Variants in TJP1 observed in about 807,000 individuals in gnomAD.
The protein encoded by TJP1 is tight junction protein 1.
In TJP1, 43 loss-of-function variants were observed where a neutral mutation model predicts 194.2. The ratio of observed to expected loss-of-function variants is 0.22; its 90% CI spans 0.17 to 0.29. The LOEUF (loss-of-function observed/expected upper bound fraction) is 0.29, where lower values mean the gene tolerates loss of function less well. Ranked by LOEUF, TJP1 falls within the 10% of genes least tolerant of loss-of-function variation. The probability of loss-of-function intolerance (pLI) is 1.00; values close to 1 mark genes in which losing one functional copy is unlikely to be tolerated. For synonymous variants in TJP1, 801 were observed against 779.0 expected, an observed-to-expected ratio of 1.03 and a Z score of -0.47; for missense variants, 1,971 against 2,185.7, an observed-to-expected ratio of 0.90 and a Z score of 1.96.
intron 1 of TJP1, among the ~76,000 whole-genome samples, chr15:29,806,334 C>T (rs1316973016): frequency 6.6e-6 from 1 of 152,174 alleles, no homozygotes; most frequent in Non-Finnish European, 1.5e-5. Context: ...TAATACAAAA[C>T]ACTACTTACT....
chr15:29,925,554 C>T (rs151330231), intron 2 of TJP1, among the ~76,000 whole-genome samples: 5 of 152,312 alleles, frequency 3.3e-5, no homozygotes, highest in African/African-American at 1.2e-4. Flanking sequence ...CCCTCTAAGC[C>T]GTGGCATTCA....
At chr15:29,850,479 G>A (rs2152082343) in intron 2 of TJP1, among the ~76,000 whole-genome samples, 1 of 152,006 alleles carries the variant, frequency 6.6e-6, no homozygotes, top group African/African-American at 2.4e-5. Context: ...TGGGATTACA[G>A]GCACACGCCA....
Position 29,761,124 on chromosome 15 carries a change from A to T in TJP1, c.1010+15T>A, listed in dbSNP as rs753756244. 17 of 1,565,690 alleles carry T rather than the reference A, an allele frequency of 1.1e-5. No homozygotes were observed. Among genetic ancestry groups the T allele is most frequent in the Non-Finnish European group, 1.4e-5 (16 of 1,157,920 alleles). On this transcript the variant is annotated intron_variant, in intron 8 of 27. Coordinates refer to ENST00000614355, the MANE Select transcript of TJP1 (RefSeq NM_001330239.4). Reference sequence around the variant, plus strand: ...ACAAAACCCCTGTATTTTTTAAAAAAATAGGGTGTCTTACCTGCCATTGCT... The same window carrying T: ...ACAAAACCCCTGTATTTTTTAAAAATATAGGGTGTCTTACCTGCCATTGCT...
chr15:29,885,537 A>G (rs551502285), intron 2 of TJP1, among the ~76,000 whole-genome samples: 13 of 152,382 alleles, frequency 8.5e-5, no homozygotes, highest in African/African-American at 2.9e-4. Flanking sequence ...GTGGCAGTAC[A>G]GTTAGCAGAC....
At chr15:29,833,881 A>ATATATATATATTTTTTTTTTT (rs1555434000) in intron 2 of TJP1, among the ~76,000 whole-genome samples, 2 of 12,610 alleles carry the variant, frequency 1.6e-4, no homozygotes, top group African/African-American at 3.0e-4. Context: ...ATATATATAT[A>ATATATATATATTTTTTTTTTT]TTTTTTTTTT....
chr15:29,749,509 C>A (rs1023091023), intron 8 of TJP1, among the ~76,000 whole-genome samples: 1 of 152,106 alleles, frequency 6.6e-6, no homozygotes, highest in Non-Finnish European at 1.5e-5. Context: ...CCTGGGGAGA[C>A]GCTGTAGGAG....
chr15:29,967,551 T>C (rs2056375726), intron 1 of TJP1, among the ~76,000 whole-genome samples: 1 of 152,204 alleles, frequency 6.6e-6, no homozygotes, highest in Non-Finnish European at 1.5e-5. Flanking sequence ...CTCCAGGAAC[T>C]TAAGGTCACA....
chr15:29,728,380 G>C (rs1300822089), intron 15 of TJP1: 1 of 186,276 alleles, frequency 5.4e-6, no homozygotes, highest in Non-Finnish European at 1.1e-5. Context: ...GGCACACTGA[G>C]ATAAACTGAG....
intron 2 of TJP1, among the ~76,000 whole-genome samples, chr15:29,939,183 T>C (rs1194469641): frequency 6.6e-6 from 1 of 152,234 alleles, no homozygotes; most frequent in Non-Finnish European, 1.5e-5. Flanking sequence ...ATTCAAGTTC[T>C]GAGATGATGC....
intron 2 of TJP1, among the ~76,000 whole-genome samples, chr15:29,857,589 G>A (rs1270326831): frequency 6.6e-6 from 1 of 152,142 alleles, no homozygotes; most frequent in Non-Finnish European, 1.5e-5. Context: ...GAAGAGGGCA[G>A]ACATAAATGA....
chr15:29,859,808 A>C (rs1176974774), intron 2 of TJP1, among the ~76,000 whole-genome samples: 1 of 152,220 alleles, frequency 6.6e-6, no homozygotes, highest in Non-Finnish European at 1.5e-5. Flanking sequence ...CGCTGTTAGT[A>C]TCCCTTGACT....
chr15:29,905,707 C>G (rs996153427), intron 2 of TJP1, among the ~76,000 whole-genome samples: 1 of 152,118 alleles, frequency 6.6e-6, no homozygotes, highest in Non-Finnish European at 1.5e-5. Flanking sequence ...GAGCTATTAC[C>G]TACAAAAAAC....
rs773110467 is a variant in TJP1, at chr15:29,710,874, G to T, written c.4329C>A (p.Thr1443=). 1.2e-6 allele frequency: 2 copies of T among 1,614,004 alleles called. No homozygotes were observed. Among genetic ancestry groups the T allele is most frequent in the Non-Finnish European group, 1.7e-6 (2 of 1,180,050 alleles). The change falls in exon 24 of 28, where the codon ACC becomes ACA. Residue 1443 remains threonine (T), a synonymous_variant. Transcript: ENST00000614355. ...SQYAQPSQPV[T]SASLHIHSKG... Reference sequence around the variant, plus strand: ...TAGAATGTATGTGGAGAGACGCGCTGGTGACAGGCTGAGATGGCTGGGCAT... The same window carrying T: ...TAGAATGTATGTGGAGAGACGCGCTTGTGACAGGCTGAGATGGCTGGGCAT...
chr15:29,927,404 C>T (rs1399604026), intron 2 of TJP1, among the ~76,000 whole-genome samples: 1 of 152,088 alleles, frequency 6.6e-6, no homozygotes, highest in African/African-American at 2.4e-5. Context: ...AATGTGTCCA[C>T]TTAACTGGAT....
At chr15:29,747,088 C>G (rs547605647) in intron 8 of TJP1, among the ~76,000 whole-genome samples, 6 of 152,278 alleles carry the variant, frequency 3.9e-5, no homozygotes, top group Admixed American at 3.3e-4. Flanking sequence ...AGTTCGAGAT[C>G]AGCCTGACCA....
chr15:29,709,028 C>T lies in TJP1; in HGVS notation c.4381G>A (p.Val1461Met), dbSNP rs768975830. 3.1e-6 allele frequency: 5 copies of T among 1,604,206 alleles called. No individual in the cohort carries two copies. The highest frequency in any genetic ancestry group is 4.3e-6 in the Non-Finnish European group (5 of 1,175,320). The change falls in exon 25 of 28, where the codon GTG becomes ATG. Residue 1461 changes from valine (V) to methionine (M), a missense_variant. Transcript: ENST00000614355. Reference sequence around the variant, plus strand: ...AAGGAATTCTGAAAATCCAATGACACTGAATTACCTGAAAAACAAACGTAA... The same window carrying T: ...AAGGAATTCTGAAAATCCAATGACATTGAATTACCTGAAAAACAAACGTAA... The part of the protein sequence containing the change: ...SKGAHGEGNS[V>M]SLDFQNSLVS...
chr15:29,945,238 C>T (rs1009202713), intron 2 of TJP1, among the ~76,000 whole-genome samples: 1 of 152,208 alleles, frequency 6.6e-6, no homozygotes, highest in African/African-American at 2.4e-5. Context: ...ATGTTCAGTG[C>T]ATGTGTAGAC....
At chr15:29,826,132 A>G (rs149238531), upstream of TJP1, among the ~76,000 whole-genome samples, 611 of 141,638 alleles carry the variant, frequency 4.3e-3, 16 homozygotes, top group East Asian at 0.084. Context: ...TATTACCAAC[A>G]CCATTTCATT....
At chr15:29,714,543 T>A (rs1381872018) in intron 23 of TJP1, among the ~76,000 whole-genome samples, 1 of 119,790 alleles carries the variant, frequency 8.3e-6, no homozygotes, top group African/African-American at 3.3e-5. Flanking sequence ...CAGCCTTTTT[T>A]TTTTTTTTTT....
Sources: gnomAD v4.1 joint callset for allele counts (sites outside exome capture counted in the v4.1 genomes callset) on GRCh38, gnomAD v4.1.1 for gene constraint, MANE v1.5 for transcripts, NCBI Gene and HGNC (gene_info 2026-07-23, HGNC 2026-07-21) for gene names.